NOL11: variants seen among roughly 807,000 people sequenced by gnomAD.
NOL11 encodes nucleolar protein 11.
In NOL11, 42 loss-of-function variants were observed where a neutral mutation model predicts 93.0. The ratio of observed to expected loss-of-function variants is 0.45; its 90% CI spans 0.35 to 0.58. The LOEUF is 0.58. Among genes scored for constraint, NOL11 ranks in the 20% least tolerant of loss-of-function variants. The pLI is 0.00. For synonymous variants in NOL11, 296 were observed against 293.7 expected, an observed-to-expected ratio of 1.01 and a Z score of -0.08; for missense variants, 775 against 841.8, an observed-to-expected ratio of 0.92 and a Z score of 0.98.
At position 67,722,586 on chromosome 17, in the gene NOL11, A is replaced by G; in HGVS notation, c.468A>G (p.Thr156=). 6.4e-7 allele frequency: 1 copy of G among 1,572,686 alleles called. No homozygotes were observed. Among genetic ancestry groups the G allele is most frequent in the South Asian group, 1.2e-5 (1 of 81,554 alleles). Residue 156 remains threonine (T), a synonymous_variant, in exon 5 of 18, where the codon ACA becomes ACG. Transcript: ENST00000253247. ...CTTTTTTCTTTTTTTGTAGATGGAC[A>G]AAGTTTTTCGTAGTATTCAGACATC... The part of the protein sequence containing the change: ...VISDEEVIKW[T]KFFVVFRHPV...
intron 16 of NOL11, among the ~76,000 whole-genome samples, chr17:67,741,768 G>T (rs1356520915): frequency 6.6e-6 from 1 of 151,710 alleles, no homozygotes; most frequent in Non-Finnish European, 1.5e-5. Context: ...TCACCATGTT[G>T]TCCAGGCTGG....
rs375690714 is a variant in NOL11 at position 67,726,661 on chromosome 17, C to G, written c.853+13C>G. On this transcript the variant is annotated intron_variant, in intron 7 of 17. Coordinates refer to ENST00000253247, the MANE Select transcript of NOL11 (RefSeq NM_015462.5). ...GCAGCTTCTAAGGGTAACTGACATC[C>G]AATTCATTAAGAAGGCCTTTGTATG... 39 of 1,558,128 alleles carry G rather than the reference C, an allele frequency of 2.5e-5. No homozygotes were observed. In the African/African-American group the frequency reaches 4.3e-4, roughly 17 times the overall value.
chr17:67,723,314 A>C (rs2043232957), intron 5 of NOL11, among the ~76,000 whole-genome samples: 1 of 149,736 alleles, frequency 6.7e-6, no homozygotes, highest in South Asian at 2.1e-4. Flanking sequence ...GCCTGGCGCA[A>C]AACCATTATT....
rs1599042858 is a variant in NOL11 at position 67,732,199 on chromosome 17, G to A, written c.854-2164G>A. On this transcript the variant is annotated intron_variant, in intron 7 of 17. Transcript: ENST00000253247. Reference sequence around the variant, plus strand: ...TTTCACTTGGTTAAATTTATTCCTAGGGACCGGGCGCAGTAATCACACCTA... The same window carrying A: ...TTTCACTTGGTTAAATTTATTCCTAAGGACCGGGCGCAGTAATCACACCTA... 2.0e-5 allele frequency among the ~76,000 whole-genome samples: 3 copies of A among 152,010 alleles called. No individual in the cohort carries two copies. The East Asian group carries it at 5.8e-4, about 29-fold the overall frequency.
chr17:67,737,858 A>G lies in NOL11; in HGVS notation c.1415A>G (p.Asp472Gly). Residue 472 changes from aspartate (D) to glycine (G), a missense_variant, in exon 13 of 18, where the codon GAC becomes GGC. Coordinates refer to ENST00000253247, the MANE Select transcript of NOL11 (RefSeq NM_015462.5). Reference sequence around the variant, plus strand: ...TTTTTTTGTCTTAGTTTGTGCCCCGACTTAATGGAGATTGCCTTAAAAAAG... The same window carrying G: ...TTTTTTTGTCTTAGTTTGTGCCCCGGCTTAATGGAGATTGCCTTAAAAAAG... ...THVLSYSLCP[D>G]LMEIALKKKD... The G allele has an allele frequency of 6.2e-7, 1 of 1,612,154 alleles. No homozygotes were observed. Among genetic ancestry groups the G allele is most frequent in the Non-Finnish European group, 8.5e-7 (1 of 1,179,576 alleles).
At chr17:67,720,029 GTA>G (rs958193326) in intron 3 of NOL11, 67 bp downstream of exon 3, 9 of 1,396,664 alleles carry the variant, frequency 6.4e-6, no homozygotes, top group Non-Finnish European at 7.7e-6. Flanking sequence ...TCATAATAAA[GTA>G]TGTGTTATTT....
At chr17:67,722,140 G>A (rs1007250413) in intron 4 of NOL11, among the ~76,000 whole-genome samples, 25 of 152,340 alleles carry the variant, frequency 1.6e-4, no homozygotes, top group African/African-American at 6.0e-4. Flanking sequence ...AGCAACTGTT[G>A]TGAGGGAAAT....
Position 67,736,768 on chromosome 17 carries a change from T to A in NOL11, c.1143+14T>A, listed in dbSNP as rs1463366930. On this transcript the variant is annotated intron_variant, in intron 10 of 17. Coordinates refer to ENST00000253247, the MANE Select transcript of NOL11 (RefSeq NM_015462.5). ...TCAAGAAGAATTGTAAGTTTCGTAG[T>A]TGAAATTGAAACATTAGTGCAAATG... is the stretch of plus-strand genomic sequence containing the variant. The A allele has an allele frequency of 6.4e-7, 1 of 1,559,528 alleles. No homozygotes were observed. Among genetic ancestry groups the A allele is most frequent in the African/African-American group, 1.4e-5 (1 of 73,558 alleles).
At chr17:67,739,046 C>A in intron 15 of NOL11, 36 bp downstream of exon 15, 1 of 1,431,038 alleles carries the variant, frequency 7.0e-7, no homozygotes, top group Non-Finnish European at 9.8e-7. Context: ...AATTTTACTT[C>A]TGGTTTAAAT....
intron 17 of NOL11, 48 bp from the exon 18 acceptor site, chr17:67,743,695 T>TTGTAGA (rs1477919700): frequency 8.1e-7 from 1 of 1,239,166 alleles, no homozygotes; most frequent in African/African-American, 1.5e-5. Flanking sequence ...AAGATTTGTT[T>TTGTAGA]CTATGTAGAC....
chr17:67,730,875 C>A lies in NOL11; in HGVS notation c.854-3488C>A, dbSNP rs2055147985. On this transcript the variant is annotated intron_variant, in intron 7 of 17. Coordinates refer to ENST00000253247, the MANE Select transcript of NOL11 (RefSeq NM_015462.5). ...ACTCCACAGTGGCCGAACCATTTTA[C>A]ATTCCCACCGGCATTGTACAGTGGT... Among the ~76,000 whole-genome samples, 2 of 152,212 alleles carry A rather than the reference C, an allele frequency of 1.3e-5. 1 individual carries two copies. The highest frequency in any genetic ancestry group is 4.1e-4 in the South Asian group (2 of 4,832).
At chr17:67,736,775 T>C in intron 10 of NOL11, 21 bp downstream of exon 10, 1 of 1,522,432 alleles carries the variant, frequency 6.6e-7, no homozygotes, top group Non-Finnish European at 9.1e-7. Flanking sequence ...TAGTTGAAAT[T>C]GAAACATTAG....
At chr17:67,727,586 G>A (rs941324757) in intron 7 of NOL11, among the ~76,000 whole-genome samples, 4 of 152,100 alleles carry the variant, frequency 2.6e-5, no homozygotes, top group African/African-American at 9.7e-5. Flanking sequence ...GAACCTGGGA[G>A]GTGGAGGTCG....
At chr17:67,725,412 C>A (rs2055082518) in intron 6 of NOL11, among the ~76,000 whole-genome samples, 1 of 152,066 alleles carries the variant, frequency 6.6e-6, no homozygotes, top group Non-Finnish European at 1.5e-5. Flanking sequence ...AAAAAAAAGT[C>A]TTTGTGGTAC....
intron 7 of NOL11, among the ~76,000 whole-genome samples, chr17:67,733,014 G>A (rs2055168588): frequency 6.6e-6 from 1 of 152,046 alleles, no homozygotes; most frequent in African/African-American, 2.4e-5. Context: ...GATTCTTCGA[G>A]ATCTCTATAC....
rs575123563 is a variant in NOL11, at chr17:67,726,899, G to A, written c.853+251G>A. The A allele has an allele frequency of 1.7e-5, 6 of 343,432 alleles. No homozygotes were observed. The South Asian group carries it at 2.0e-4, about 12-fold the overall frequency. The allele number at this position is 343,432 out of a possible 1,614,324, so 21.3% of individuals were successfully genotyped here. ...ACTATGTCATAAAGAAATAAAAATG[G>A]CGAATATACTAGTCACCATCATACT... On this transcript the variant is annotated intron_variant, in intron 7 of 17. Coordinates refer to ENST00000253247, the MANE Select transcript of NOL11 (RefSeq NM_015462.5).
At chr17:67,726,331 G>T in intron 6 of NOL11, 129 bp from the exon 7 acceptor site, 1 of 620,648 alleles carries the variant, frequency 1.6e-6, no homozygotes, top group Non-Finnish European at 2.5e-6. Flanking sequence ...CACAGTGATG[G>T]GATTGTTTAT....
chr17:67,729,794 T>A (rs1462536941), intron 7 of NOL11, among the ~76,000 whole-genome samples: 1 of 150,726 alleles, frequency 6.6e-6, no homozygotes. Flanking sequence ...TTAGCCAGGA[T>A]GGTCTCGATC....
At position 67,722,574 on chromosome 17, in the gene NOL11, T is replaced by C; in HGVS notation, c.462-6T>C. The C allele has an allele frequency of 6.4e-7, 1 of 1,569,470 alleles. No homozygotes were observed. On this transcript the variant is annotated splice_region_variant and splice_polypyrimidine_tract_variant and intron_variant, in intron 4 of 17. Transcript: ENST00000253247. ...CCTATAATTTTTCTTTTTTCTTTTT[T>C]TGTAGATGGACAAAGTTTTTCGTAG...
Sources: allele counts gnomAD v4.1 joint callset (sites outside exome capture counted in the v4.1 genomes callset), GRCh38; gene constraint gnomAD v4.1.1; transcripts MANE v1.5; gene names NCBI Gene and HGNC (gene_info 2026-07-23, HGNC 2026-07-21).